SETD5: variants seen among roughly 807,000 people sequenced by gnomAD.
The protein encoded by SETD5 is histone-lysine N-methyltransferase SETD5.
SETD5 carries 44 observed loss-of-function variants against 153.3 expected under a neutral mutation model. The ratio of observed to expected loss-of-function variants is 0.29; its 90% CI spans 0.23 to 0.37. The LOEUF (loss-of-function observed/expected upper bound fraction) is 0.37. Among genes scored for constraint, SETD5 ranks in the 10% least tolerant of loss-of-function variants. SETD5 has a pLI of 1.00. For synonymous variants in SETD5, 716 were observed against 645.2 expected (o/e 1.11, Z -1.66); for missense variants, 1,544 against 1,768.0 (o/e 0.87, Z 2.27).
chr3:9,449,698 G>A (rs1187049675), intron 16 of SETD5: 1 of 152,202 alleles, frequency 6.6e-6, no homozygotes, highest in Non-Finnish European at 1.5e-5. Flanking sequence ...CCAAAGTGGT[G>A]TGGGATATGG....
At chr3:9,431,901 C>A (rs2040010548) in intron 3 of SETD5, 1 of 171,174 alleles carries the variant, frequency 5.8e-6, no homozygotes, top group Non-Finnish European at 1.2e-5. Context: ...TGGTACAAAA[C>A]CTATATAAAA....
At chr3:9,446,757 C>CTGG (rs1559431457) in intron 13 of SETD5, among the ~76,000 whole-genome samples, 1 of 152,152 alleles carries the variant, frequency 6.6e-6, no homozygotes, top group African/African-American at 2.4e-5. Context: ...TCCCAAAGTA[C>CTGG]TGGGATTACA....
intron 11 of SETD5, 57 bp downstream of exon 11, chr3:9,443,474 T>A: frequency 2.1e-6 from 2 of 942,450 alleles, no homozygotes; most frequent in Non-Finnish European, 2.9e-6. Context: ...TATTAAGCTA[T>A]TCACTCTATT....
At chr3:9,402,376 C>T (rs953113172) in intron 1 of SETD5, among the ~76,000 whole-genome samples, 1 of 152,118 alleles carries the variant, frequency 6.6e-6, no homozygotes, top group East Asian at 1.9e-4. Context: ...TTTGTAATCG[C>T]ATCGTGCCTC....
intron 13 of SETD5, among the ~76,000 whole-genome samples, chr3:9,446,586 G>A (rs756650618): frequency 6.6e-6 from 1 of 151,560 alleles, no homozygotes; most frequent in Non-Finnish European, 1.5e-5. Flanking sequence ...TCTGCCTCCC[G>A]GGTTCAAGCA....
chr3:9,442,403 C>T (rs112376596), intron 10 of SETD5, among the ~76,000 whole-genome samples, 158 bp downstream of exon 10: 51 of 152,080 alleles, frequency 3.4e-4, no homozygotes, highest in African/African-American at 1.0e-3. Context: ...TGCTTTTATA[C>T]GACAAAATGG....
At chr3:9,445,962 G>GTTGTTTTTTTTTTT (rs2041905931) in intron 13 of SETD5, among the ~76,000 whole-genome samples, 3 of 120,246 alleles carry the variant, frequency 2.5e-5, no homozygotes, top group African/African-American at 1.0e-4. Flanking sequence ...GTTTGAAGAG[G>GTTGTTTTTTTTTTT]TTGTTTTTTT....
intron 17 of SETD5, among the ~76,000 whole-genome samples, chr3:9,455,535 T>C (rs1017384207): frequency 1.3e-5 from 2 of 152,208 alleles, no homozygotes; most frequent in Admixed American, 6.5e-5. Context: ...TAAATTATAC[T>C]GTTTATTTAA....
At position 9,434,773 on chromosome 3, in the gene SETD5, T is replaced by C; in HGVS notation, c.330-51T>C. The C allele has an allele frequency of 6.3e-7, 1 of 1,578,890 alleles. No homozygotes were observed. The highest frequency in any genetic ancestry group is 8.6e-7 in the Non-Finnish European group (1 of 1,161,036). ...GACACTTCGCCCATGTGTGCTATGA[T>C]GTGATGCATGCTGTTGGAAGGACTA... On this transcript the variant is annotated intron_variant, in intron 5 of 22. Coordinates refer to ENST00000402198, the MANE Select transcript of SETD5 (RefSeq NM_001080517.3). The surrounding 1 kb of genome is among the most constrained non-coding windows in gnomAD (Gnocchi z 5.6).
intron 12 of SETD5, 41 bp downstream of exon 12, chr3:9,445,341 C>CCT: frequency 6.3e-7 from 1 of 1,578,230 alleles, no homozygotes; most frequent in East Asian, 2.3e-5. Context: ...TGGCATCAAT[C>CCT]CTCCAAAGGA....
In SETD5 at chr3:9,453,812, A is replaced by C; in HGVS notation, c.2420A>C (p.His807Pro). 6.2e-7 allele frequency: 1 copy of C among 1,607,956 alleles called. No individual in the cohort carries two copies. The highest frequency in any genetic ancestry group is 8.5e-7 in the Non-Finnish European group (1 of 1,178,242). ...GTACCCCAAGAGACTAGAACTCAGC[A>C]CCTATACCAAAGCAATGAGAATAGT... The part of the protein sequence containing the change: ...SSVPQETRTQ[H>P]LYQSNENSSS... Residue 807 changes from histidine to proline, a missense_variant, in exon 17 of 23, where the codon CAC (histidine) becomes CCC (proline). His to Pro is a moderately conservative substitution (Grantham distance 77, BLOSUM62 -2). Around this residue, in one of 9 missense-constraint regions of SETD5, gnomAD observed 782 missense variants for 787.2 expected, o/e 0.99. Transcript: ENST00000402198.
At chr3:9,402,925 T>G (rs926470845) in intron 1 of SETD5, among the ~76,000 whole-genome samples, 3 of 152,162 alleles carry the variant, frequency 2.0e-5, no homozygotes, top group African/African-American at 7.2e-5. Flanking sequence ...GGAAGATTTT[T>G]GTTTCAAATT....
In SETD5 at chr3:9,463,021, CGTTTT is replaced by C. The variant is rs1210596356; in HGVS notation, c.2477-1392_2477-1388del. 4.7e-5 allele frequency among the ~76,000 whole-genome samples: 7 copies of C among 149,354 alleles called. 1 individual carries two copies. The highest frequency in any genetic ancestry group is 6.8e-3 in the Middle Eastern group (2 of 294). ...AATGTGTTCACTTTTTTTGTTGTGTCGTTTTGTTTTGTTTTGAGACAGTCTCCTCC... is the reference window on the plus strand; with the variant it reads ...AATGTGTTCACTTTTTTTGTTGTGTCGTTTTGTTTTGAGACAGTCTCCTCC... On this transcript the variant is annotated intron_variant, in intron 17 of 22. Transcript: ENST00000402198.
At chr3:9,462,929 T>TA (rs763429679) in intron 17 of SETD5, among the ~76,000 whole-genome samples, 1 of 151,716 alleles carries the variant, frequency 6.6e-6, no homozygotes, top group Non-Finnish European at 1.5e-5. Flanking sequence ...ATTTAGAAAA[T>TA]ACAGCTTTTT....
chr3:9,441,969 T>A (rs1004787305), intron 9 of SETD5, among the ~76,000 whole-genome samples, 159 bp from the exon 10 acceptor site: 3 of 152,242 alleles, frequency 2.0e-5, no homozygotes, highest in African/African-American at 7.2e-5. Context: ...TGCTTTGTGC[T>A]TGTTCTTTAA....
intron 7 of SETD5, among the ~76,000 whole-genome samples, chr3:9,436,429 C>T (rs1268548745): frequency 6.6e-6 from 1 of 152,192 alleles, no homozygotes; most frequent in Non-Finnish European, 1.5e-5. Context: ...GGTTTGTGTT[C>T]TTTCTTCCCC....
chr3:9,410,877 C>CTTTT (rs34787440), intron 1 of SETD5, among the ~76,000 whole-genome samples: 2 of 146,118 alleles, frequency 1.4e-5, no homozygotes, highest in Non-Finnish European at 3.0e-5. Flanking sequence ...TAAAAATTCT[C>CTTTT]TTTTTTTTTT....
intron 1 of SETD5, among the ~76,000 whole-genome samples, chr3:9,420,619 C>G (rs760328916): frequency 2.6e-5 from 4 of 152,120 alleles, no homozygotes; most frequent in South Asian, 2.1e-4. Context: ...TCAGTGCTTA[C>G]CCCAATCAGT....
rs1307641994 is a variant in SETD5 at position 9,434,438 on chromosome 3, T to C, written c.282T>C (p.Pro94=). 3 of 1,613,840 alleles carry C rather than the reference T, an allele frequency of 1.9e-6. No homozygotes were observed. Among genetic ancestry groups the C allele is most frequent in the Non-Finnish European group, 2.5e-6 (3 of 1,179,878 alleles). ...SEGETVPTWC[P]CGLSQDGFLL... The stretch of plus-strand genomic sequence containing the variant: ...GAGAAACTGTACCTACCTGGTGTCC[T>C]TGTGGTCTTTCTCAGGATGGCTTCC... Residue 94 remains proline, a synonymous_variant, in exon 5 of 23, where the codon CCT becomes CCC. Coordinates refer to ENST00000402198, the MANE Select transcript of SETD5 (RefSeq NM_001080517.3). The surrounding 1 kb of genome is among the most constrained non-coding windows in gnomAD (Gnocchi z 5.6).
Sources: allele counts gnomAD v4.1 joint callset (sites outside exome capture counted in the v4.1 genomes callset), GRCh38; gene constraint gnomAD v4.1.1; regional missense constraint gnomAD v4.1.1; non-coding constraint Gnocchi (gnomAD v3.1); transcripts MANE v1.5; gene names NCBI Gene and HGNC (gene_info 2026-07-23, HGNC 2026-07-21).